The following CEP63 variants were observed in gnomAD, a reference collection of about 807,000 sequenced individuals.
CEP63 encodes the protein centrosomal protein 63.
CEP63 carries 84 observed loss-of-function variants against 89.1 expected under a neutral mutation model. That is an observed-to-expected ratio of 0.94 (90% confidence interval 0.79 to 1.13). The LOEUF (loss-of-function observed/expected upper bound fraction) is 1.13, where lower values mean the gene tolerates loss of function less well. Among genes scored for constraint, CEP63 ranks in the 50% most tolerant of loss-of-function variants. The pLI is 0.00. For missense variants in CEP63, 838 were observed against 813.3 expected (o/e 1.03, Z -0.37); for synonymous variants, 267 against 272.5 (o/e 0.98, Z 0.20).
At chr3:134,502,034 G>A (rs559228723) in intron 2 of CEP63, among the ~76,000 whole-genome samples, 6 of 152,050 alleles carry the variant, frequency 3.9e-5, no homozygotes, top group East Asian at 3.9e-4. Flanking sequence ...GGCTTTTAAC[G>A]TGAAGGGATA....
intron 3 of CEP63, among the ~76,000 whole-genome samples, chr3:134,519,514 C>A (rs1007750492): frequency 1.1e-4 from 17 of 152,122 alleles, no homozygotes; most frequent in African/African-American, 3.9e-4. Flanking sequence ...TTCTACCAGA[C>A]ATTTTAAGAA....
At chr3:134,669,514 TGGCTGCCCCA>T in the CEP63 span, among the ~76,000 whole-genome samples, 1 of 152,218 alleles carries the variant, frequency 6.6e-6, no homozygotes, top group African/African-American at 2.4e-5. Context: ...TGGCATAGTA[TGGCTGCCCCA>T]GGCTGCCCCA....
intron 6 of CEP63, among the ~76,000 whole-genome samples, chr3:134,540,663 A>G (rs1412217082): frequency 1.3e-5 from 2 of 151,180 alleles, no homozygotes; most frequent in Non-Finnish European, 2.9e-5. Flanking sequence ...TTTAATATAC[A>G]TTGTTTTAAT....
the CEP63 span, chr3:134,619,218 G>T: frequency 3.1e-6 from 5 of 1,614,008 alleles, no homozygotes; most frequent in Non-Finnish European, 4.2e-6. Context: ...ATGTCAGTGG[G>T]TTTGAAGGCT....
At chr3:134,620,645 C>A in the CEP63 span, 3 of 787,334 alleles carry the variant, frequency 3.8e-6, no homozygotes, top group South Asian at 4.8e-5. Flanking sequence ...CTGTCCCCCA[C>A]CTTTCATGTC....
At chr3:134,536,533 C>T (rs1013771366) in intron 5 of CEP63, 13 of 155,412 alleles carry the variant, frequency 8.4e-5, no homozygotes, top group African/African-American at 2.9e-4. Flanking sequence ...TAATTTTGAA[C>T]TGTTTGGCTT....
chr3:134,545,710 T>C lies in CEP63; in HGVS notation c.680T>C (p.Ile227Thr). 1 of 1,614,026 alleles carries C rather than the reference T, an allele frequency of 6.2e-7. No individual in the cohort carries two copies. Among genetic ancestry groups the C allele is most frequent in the Non-Finnish European group, 8.5e-7 (1 of 1,180,006 alleles). Residue 227 changes from isoleucine (I) to threonine (T), a missense_variant, in exon 7 of 15, where the codon ATA (isoleucine) becomes ACA (threonine). Coordinates refer to ENST00000675561, the MANE Select transcript of CEP63 (RefSeq NM_001353108.3). ...ACTATCTGTGCCAATGAGTTGGAAA[T>C]AGAGCGCCTCACCATGAGGGTCAAT... ...NDTICANELE[I>T]ERLTMRVNDL... is the part of the protein sequence containing the mutation.
At chr3:134,542,225 A>G (rs951570628) in intron 6 of CEP63, among the ~76,000 whole-genome samples, 2 of 152,200 alleles carry the variant, frequency 1.3e-5, no homozygotes, top group Non-Finnish European at 2.9e-5. Context: ...AATTATATGT[A>G]TATAAATATA....
At chr3:134,537,375 C>T (rs2109236399) in intron 6 of CEP63, 107 bp downstream of exon 6, 4 of 739,684 alleles carry the variant, frequency 5.4e-6, no homozygotes, top group South Asian at 4.3e-5. Flanking sequence ...CAGCTTCTCT[C>T]CACGAACCCT....
chr3:134,493,429 T>A (rs974148036), intron 1 of CEP63, among the ~76,000 whole-genome samples: 6 of 151,800 alleles, frequency 4.0e-5, no homozygotes, highest in African/African-American at 1.5e-4. Context: ...TTGGTTGCAT[T>A]GTAGTTGGAC....
At chr3:134,607,973 C>T in the CEP63 span, 1 of 1,012,514 alleles carries the variant, frequency 9.9e-7, no homozygotes, top group Non-Finnish European at 1.2e-6. Context: ...TAGAACATGT[C>T]CATCTCTGTC....
At position 134,561,816 on chromosome 3, in the gene CEP63, C is replaced by G. The variant is rs1225323652; in HGVS notation, c.*281C>G. 1.6e-6 allele frequency: 2 copies of G among 1,223,184 alleles called. No homozygotes were observed. The highest frequency in any genetic ancestry group is 3.6e-5 in the South Asian group (2 of 55,674). The allele number at this position is 1,223,184 out of a possible 1,614,324, so 75.8% of individuals were successfully genotyped here. On this transcript the variant is annotated 3_prime_UTR_variant, in exon 15 of 15. Coordinates refer to ENST00000675561, the MANE Select transcript of CEP63 (RefSeq NM_001353108.3). ...TTATCATAAAGTGATACTTACCTTGCTGACTTAAATGTGAATAGCTATGTA... is the reference window on the plus strand; with the variant it reads ...TTATCATAAAGTGATACTTACCTTGGTGACTTAAATGTGAATAGCTATGTA...
At chr3:134,661,712 C>T in the CEP63 span, among the ~76,000 whole-genome samples, 1 of 151,396 alleles carries the variant, frequency 6.6e-6, no homozygotes, top group Non-Finnish European at 1.5e-5. Context: ...GGAAGGAAGA[C>T]AGGAAGGCTG....
chr3:134,581,273 A>T (rs1958339391), intron 10 of CEP63, among the ~76,000 whole-genome samples: 1 of 152,136 alleles, frequency 6.6e-6, no homozygotes, highest in Non-Finnish European at 1.5e-5. Context: ...TCAATATACC[A>T]CATTAACGAA....
chr3:134,673,223 G>C, the CEP63 span, among the ~76,000 whole-genome samples: 3 of 152,134 alleles, frequency 2.0e-5, no homozygotes, highest in Non-Finnish European at 4.4e-5. Context: ...CCTGACCTCT[G>C]TTAACTCCAG....
At chr3:134,514,712 CAT>C (rs1161578419) in intron 3 of CEP63, among the ~76,000 whole-genome samples, 1 of 152,120 alleles carries the variant, frequency 6.6e-6, no homozygotes, top group Non-Finnish European at 1.5e-5. Flanking sequence ...AAAATAAAGA[CAT>C]TTTCAGATGA....
At chr3:134,637,345 C>T in the CEP63 span, among the ~76,000 whole-genome samples, 1 of 152,208 alleles carries the variant, frequency 6.6e-6, no homozygotes, top group Non-Finnish European at 1.5e-5. Context: ...ACTTTCTCCA[C>T]CTCAAACCCT....
chr3:134,669,221 G>A, the CEP63 span, among the ~76,000 whole-genome samples: 1 of 152,034 alleles, frequency 6.6e-6, no homozygotes, highest in Non-Finnish European at 1.5e-5. Context: ...GTAGAGAGAG[G>A]GTTTTGCCAT....
chr3:134,708,457 G>A, the CEP63 span, among the ~76,000 whole-genome samples: 1 of 152,224 alleles, frequency 6.6e-6, no homozygotes, highest in Admixed American at 6.5e-5. Context: ...GAAGGGCCCT[G>A]TCAGGCCTCT....
Sources: gnomAD v4.1 joint callset for allele counts (sites outside exome capture counted in the v4.1 genomes callset) on GRCh38, gnomAD v4.1.1 for gene constraint, MANE v1.5 for transcripts, NCBI Gene and HGNC (gene_info 2026-07-23, HGNC 2026-07-21) for gene names.